The following TUBA1C variants were observed in gnomAD, a reference collection of about 807,000 sequenced individuals.
The protein encoded by TUBA1C is tubulin alpha 1c, also known as tubulin alpha-1C chain.
TUBA1C carries 16 observed loss-of-function variants against 34.9 expected under a neutral mutation model. The observed-to-expected ratio is 0.46, with a 90% CI of 0.31 to 0.70. TUBA1C has a LOEUF of 0.70. Ranked by LOEUF, TUBA1C falls within the 30% of genes least tolerant of loss-of-function variation. TUBA1C has a pLI of 0.05. For synonymous variants in TUBA1C, 177 were observed against 215.9 expected (o/e 0.82, Z 1.58); for missense variants, 329 against 587.3 (o/e 0.56, Z 4.55).
In TUBA1C at chr12:49,270,401, G is replaced by A. The variant is rs904781978; in HGVS notation, c.375+425G>A. Among the ~76,000 whole-genome samples the A allele has an allele frequency of 4.3e-4, 65 of 152,340 alleles. 1 individual carries two copies. The highest frequency in any genetic ancestry group is 9.0e-4 in the Non-Finnish European group (61 of 68,026). ...AACTTCCAGTACTGCTGAAAGTGGA[G>A]TCGGGAGCTTCCTTATGAAGTGTGC... On this transcript the variant is annotated intron_variant, in intron 3 of 3. Coordinates refer to ENST00000301072, the MANE Select transcript of TUBA1C (RefSeq NM_032704.5).
chr12:49,250,286 AG>A (rs1230799869), intron 1 of TUBA1C, among the ~76,000 whole-genome samples: 2 of 152,184 alleles, frequency 1.3e-5, no homozygotes, highest in Non-Finnish European at 2.9e-5. Context: ...GCACTTTGGG[AG>A]GCCCAGGCAG....
chr12:49,230,798 C>T, intron 1 of TUBA1C, among the ~76,000 whole-genome samples: 1 of 152,178 alleles, frequency 6.6e-6, no homozygotes, highest in Middle Eastern at 3.2e-3. Context: ...TGTTCTGGTG[C>T]AGGATTTTGC....
At chr12:49,257,484 T>A (rs1411428847) in intron 1 of TUBA1C, among the ~76,000 whole-genome samples, 2 of 151,992 alleles carry the variant, frequency 1.3e-5, no homozygotes, top group Non-Finnish European at 2.9e-5. Flanking sequence ...ATTTTTTTTT[T>A]AATTTTACGT....
At chr12:49,242,187 C>T (rs1421940771) in intron 1 of TUBA1C, among the ~76,000 whole-genome samples, 2 of 151,412 alleles carry the variant, frequency 1.3e-5, no homozygotes, top group East Asian at 3.9e-4. Flanking sequence ...GATGGGGTTT[C>T]ACCATGTTGG....
chr12:49,253,884 AG>A (rs1467721776), intron 1 of TUBA1C, among the ~76,000 whole-genome samples: 2 of 152,188 alleles, frequency 1.3e-5, no homozygotes. Context: ...TGAAGGGTCA[AG>A]AAAAAGGGTT....
At position 49,265,966 on chromosome 12, in the gene TUBA1C, AAAAAAAC is replaced by A. The variant is rs1206406623; in HGVS notation, c.3+789_3+795del. ...AACCCCGTCTCTACTTTAAAAAAAA[AAAAAAAC>A]AAAAAAAAACGCTGGGCGTGGTGGC... On this transcript the variant is annotated intron_variant, in intron 1 of 3. Coordinates refer to ENST00000301072, the MANE Select transcript of TUBA1C (RefSeq NM_032704.5). 2.6e-3 allele frequency among the ~76,000 whole-genome samples: 370 copies of A among 143,034 alleles called. 2 individuals carry two copies. The highest frequency in any genetic ancestry group is 9.2e-3 in the African/African-American group (350 of 38,210). The allele number at this position is 143,034 out of a possible 152,430, so 93.8% of individuals were successfully genotyped here.
intron 1 of TUBA1C, among the ~76,000 whole-genome samples, chr12:49,257,149 CAAAA>C (rs199657602): frequency 4.3e-5 from 4 of 92,388 alleles, no homozygotes; most frequent in Admixed American, 1.2e-4. Context: ...CACTCCATCT[CAAAA>C]AAAAAAAAAA....
At chr12:49,232,533 A>G (rs1379160804) in intron 1 of TUBA1C, among the ~76,000 whole-genome samples, 1 of 152,136 alleles carries the variant, frequency 6.6e-6, no homozygotes, top group Non-Finnish European at 1.5e-5. Context: ...TTGATCCCCC[A>G]CTTAAATCAG....
intron 1 of TUBA1C, chr12:49,232,888 C>T (rs962941507): frequency 2.6e-5 from 4 of 152,174 alleles, no homozygotes; most frequent in African/African-American, 9.7e-5. Context: ...AACTTAACGG[C>T]ATGTTAAAAT....
chr12:49,237,128 T>C (rs1366572489), intron 1 of TUBA1C, among the ~76,000 whole-genome samples: 1 of 152,002 alleles, frequency 6.6e-6, no homozygotes, highest in East Asian at 1.9e-4. Context: ...AGAAATAAGA[T>C]AAAAATCCGG....
chr12:49,271,162 TG>T (rs1024199197), intron 3 of TUBA1C, among the ~76,000 whole-genome samples: 1 of 152,188 alleles, frequency 6.6e-6, no homozygotes, highest in African/African-American at 2.4e-5. Context: ...GAGGCTTAAC[TG>T]GTGTAATTGG....
Position 49,273,594 on chromosome 12 carries a change from C to T in TUBA1C, c.*367C>T. 3.1e-6 allele frequency: 1 copy of T among 324,598 alleles called. No homozygotes were observed. Among genetic ancestry groups the T allele is most frequent in the South Asian group, 2.9e-5 (1 of 34,996 alleles). 20.1% of individuals were successfully genotyped at this position (324,598 alleles called of 1,614,324 possible). On this transcript the variant is annotated 3_prime_UTR_variant, in exon 4 of 4. Coordinates refer to ENST00000301072, the MANE Select transcript of TUBA1C (RefSeq NM_032704.5). ...GTAGAGATGGGGCCTTGCTATGCTG[C>T]CCAGGGTGGTCTTCAACTGGCTTCA... is the stretch of plus-strand genomic sequence containing the variant.
chr12:49,229,111 C>T (rs920326923), intron 1 of TUBA1C, among the ~76,000 whole-genome samples: 1 of 152,090 alleles, frequency 6.6e-6, no homozygotes, highest in Non-Finnish European at 1.5e-5. Context: ...ATGAAGGAGG[C>T]GGTGGATTTT....
At chr12:49,230,049 G>A (rs1592270518) in intron 1 of TUBA1C, among the ~76,000 whole-genome samples, 1 of 150,518 alleles carries the variant, frequency 6.6e-6, no homozygotes, top group East Asian at 1.9e-4. Context: ...GCCTCCCAAA[G>A]TGCCGGGATT....
intron 1 of TUBA1C, among the ~76,000 whole-genome samples, chr12:49,267,033 T>C (rs1407021087): frequency 6.6e-6 from 1 of 152,100 alleles, no homozygotes; most frequent in Non-Finnish European, 1.5e-5. Context: ...AATTTTCTTG[T>C]TTTTTAACGA....
intron 1 of TUBA1C, among the ~76,000 whole-genome samples, chr12:49,248,630 G>A (rs1345172272): frequency 1.3e-5 from 2 of 151,618 alleles, no homozygotes; most frequent in African/African-American, 2.4e-5. Flanking sequence ...TTGGGAGGCC[G>A]AGGCGGGCGG....
intron 3 of TUBA1C, 134 bp from the exon 4 acceptor site, chr12:49,272,119 C>T (rs981183448): frequency 2.1e-5 from 31 of 1,451,922 alleles, no homozygotes; most frequent in African/African-American, 5.7e-5. Flanking sequence ...TGAGCCACTG[C>T]GCCTGGCCCA....
At chr12:49,238,182 T>A (rs1323977842) in intron 1 of TUBA1C, among the ~76,000 whole-genome samples, 4 of 152,092 alleles carry the variant, frequency 2.6e-5, no homozygotes, top group Admixed American at 6.6e-5. Context: ...ACGAAGTTAT[T>A]GGGTATCGAA....
chr12:49,241,607 CCCCT>C (rs999103517), intron 1 of TUBA1C, among the ~76,000 whole-genome samples: 14 of 149,274 alleles, frequency 9.4e-5, no homozygotes, highest in Non-Finnish European at 1.5e-4. Context: ...ATATTTTCCT[CCCCT>C]CCCTCCCTCC....
Sources: gnomAD v4.1 joint callset for allele counts (sites outside exome capture counted in the v4.1 genomes callset) on GRCh38, gnomAD v4.1.1 for gene constraint, MANE v1.5 for transcripts, NCBI Gene and HGNC (gene_info 2026-07-23, HGNC 2026-07-21) for gene names.